MAT1A: variants seen among roughly 807,000 people sequenced by gnomAD.
The protein encoded by MAT1A is methionine adenosyltransferase 1A, also known as S-adenosylmethionine synthase isoform type-1.
MAT1A carries 19 observed loss-of-function variants against 44.0 expected under a neutral mutation model. The ratio of observed to expected loss-of-function variants is 0.43; its 90% CI spans 0.30 to 0.63. The LOEUF (loss-of-function observed/expected upper bound fraction) is 0.63. Among genes scored for constraint, MAT1A ranks in the 30% least tolerant of loss-of-function variants. The pLI, the probability that MAT1A is intolerant of heterozygous loss-of-function variation, is 0.12. For missense variants in MAT1A, 397 were observed against 531.0 expected (o/e 0.75, Z 2.48); for synonymous variants, 205 against 205.6 (o/e 1.00, Z 0.03).
Position 80,273,877 on chromosome 10 carries a change from C to T in MAT1A, c.1092G>A (p.Leu364=), listed in dbSNP as rs752428447. 2 of 1,601,224 alleles carry T rather than the reference C, an allele frequency of 1.2e-6. No homozygotes were observed. Among genetic ancestry groups the T allele is most frequent in the Non-Finnish European group, 8.6e-7 (1 of 1,168,626 alleles). The change falls in exon 9 of 9, where the codon TTG becomes TTA. Residue 364 remains leucine, a synonymous_variant. Coordinates refer to ENST00000372213, the MANE Select transcript of MAT1A (RefSeq NM_000429.3). ...TCTGGTAGATGGGCTTCTTCAAGTC[C>T]AAATCCCTGCATGTCCAGCAGAAAG... The part of the protein sequence containing the change: ...DLRPGVIVRD[L]DLKKPIYQKT...
In MAT1A at chr10:80,271,964, G is replaced by A. The variant is rs1380088318; in HGVS notation, c.*1817C>T. 2 of 151,738 alleles carry A rather than the reference G, an allele frequency of 1.3e-5. No individual in the cohort carries two copies. Among genetic ancestry groups the A allele is most frequent in the African/African-American group, 2.4e-5 (1 of 41,282 alleles). The allele number at this position is 151,738 out of a possible 1,614,324, so 9.4% of individuals were successfully genotyped here. A position where few individuals can be genotyped will look rare whatever the true frequency, so the allele number is the denominator to read the frequency against. ...ATAAAATTCTGAATTTTCATGTCGAGTGTGAGCCAAGTTAGAGGAACTTGG... is the reference window on the plus strand; with the variant it reads ...ATAAAATTCTGAATTTTCATGTCGAATGTGAGCCAAGTTAGAGGAACTTGG... On this transcript the variant is annotated 3_prime_UTR_variant, in exon 9 of 9. Transcript: ENST00000372213.
chr10:80,278,847 G>A (rs117512009), intron 5 of MAT1A, among the ~76,000 whole-genome samples: 224 of 152,362 alleles, frequency 1.5e-3, no homozygotes, highest in Non-Finnish European at 2.7e-3. Context: ...AAGAGAAGGC[G>A]CTGGCGCTGT....
At chr10:80,278,137 CCT>C (rs1471745735) in intron 5 of MAT1A, among the ~76,000 whole-genome samples, 2 of 152,212 alleles carry the variant, frequency 1.3e-5, no homozygotes, top group African/African-American at 4.8e-5. Context: ...GTCTGCACCC[CCT>C]GAGACTGGAG....
In MAT1A at chr10:80,274,509, T is replaced by A. The variant is rs1171295436; in HGVS notation, c.1085+11A>T. 1.2e-6 allele frequency: 2 copies of A among 1,613,982 alleles called. No homozygotes were observed. Among genetic ancestry groups the A allele is most frequent in the Non-Finnish European group, 1.7e-6 (2 of 1,180,010 alleles). ...CAAGGTCCTGTGTAATAGCAGCGCA[T>A]GGCACTTTACCTGACAATGACGCCC... On this transcript the variant is annotated intron_variant, in intron 8 of 8. Transcript: ENST00000372213.
rs916298489 is a variant in MAT1A at position 80,273,451 on chromosome 10, G to A, written c.*330C>T. 6 of 354,958 alleles carry A rather than the reference G, an allele frequency of 1.7e-5. No individual in the cohort carries two copies. In the East Asian group the frequency reaches 4.3e-4, roughly 25 times the overall value. The allele number at this position is 354,958 out of a possible 1,614,324, so 22.0% of individuals were successfully genotyped here. On this transcript the variant is annotated 3_prime_UTR_variant, in exon 9 of 9. Transcript: ENST00000372213. ...TGGCACAGGCAAGGGGAGGGAGGGG[G>A]AGCTGGTCAGGGTCCAGCTGTTGGG...
intron 1 of MAT1A, among the ~76,000 whole-genome samples, chr10:80,286,959 C>T (rs1048480516): frequency 4.6e-5 from 7 of 152,180 alleles, no homozygotes; most frequent in African/African-American, 1.7e-4. Flanking sequence ...TTTGTTTAAT[C>T]TAGCCTCCTG....
chr10:80,284,828 C>T (rs73301414), intron 2 of MAT1A, among the ~76,000 whole-genome samples: 5,336 of 152,286 alleles, frequency 0.035, 298 homozygotes, highest in African/African-American at 0.12. Flanking sequence ...GTTTTCCTGC[C>T]AAACAACTTA....
In MAT1A at chr10:80,275,152, G is replaced by A. The variant is rs751778923; in HGVS notation, c.816C>T (p.Gly272=). The part of the protein sequence containing the change: ...TGRKIIVDTY[G]GWGAHGGGAF... ...CCCCACCACCATGAGCCCCCCAGCC[G>A]CCATAGGTGTCCACAATAATCTTAC... The change falls in exon 7 of 9, where the codon GGC becomes GGT. Residue 272 remains glycine, a synonymous_variant. Coordinates refer to ENST00000372213, the MANE Select transcript of MAT1A (RefSeq NM_000429.3). 1.6e-4 allele frequency: 254 copies of A among 1,613,140 alleles called. No individual in the cohort carries two copies. The highest frequency in any genetic ancestry group is 2.0e-4 in the Non-Finnish European group (240 of 1,179,738).
intron 3 of MAT1A, among the ~76,000 whole-genome samples, chr10:80,281,512 C>T (rs1366227944): frequency 1.3e-5 from 2 of 152,092 alleles, no homozygotes; most frequent in Admixed American, 6.5e-5. Flanking sequence ...TGCTATGCAC[C>T]GAGACCGTGC....
intron 4 of MAT1A, 87 bp downstream of exon 4, chr10:80,280,593 A>G (rs924981244): frequency 1.6e-6 from 2 of 1,223,534 alleles, no homozygotes; most frequent in Non-Finnish European, 2.4e-6. Context: ...CTAGGACAAG[A>G]ATCCACCCCT....
Position 80,276,510 on chromosome 10 carries a change from C to T in MAT1A, c.634G>A (p.Asp212Asn), listed in dbSNP as rs746643787. Residue 212 changes from aspartate to asparagine, a missense_variant, in exon 6 of 9, where the codon GAC becomes AAC. Transcript: ENST00000372213. ...TIVISVQHNE[D>N]ITLEEMRRAL... ...CTGCGCATCTCCTCCAGCGTGATGT[C>T]TTCGTTGTGCTGCACAGAGATGACG... 1.2e-6 allele frequency: 2 copies of T among 1,614,178 alleles called. No homozygotes were observed. The highest frequency in any genetic ancestry group is 1.7e-6 in the Non-Finnish European group (2 of 1,180,046).
At chr10:80,278,910 T>C (rs1447347276) in intron 5 of MAT1A, among the ~76,000 whole-genome samples, 5 of 152,152 alleles carry the variant, frequency 3.3e-5, no homozygotes, top group African/African-American at 7.2e-5. Flanking sequence ...TGCTGGCCAC[T>C]GAAGGAGAGG....
chr10:80,287,233 G>T (rs150357347), intron 1 of MAT1A, among the ~76,000 whole-genome samples: 10 of 152,216 alleles, frequency 6.6e-5, no homozygotes, highest in Admixed American at 6.5e-4. Flanking sequence ...TCCAGCAGGG[G>T]CTTCCAGATA....
intron 7 of MAT1A, 93 bp from the exon 8 acceptor site, chr10:80,274,746 G>A: frequency 6.5e-7 from 1 of 1,544,138 alleles, no homozygotes; most frequent in Non-Finnish European, 8.8e-7. Flanking sequence ...GACCAGCGGG[G>A]ACCACATGCC....
chr10:80,274,917 G>A, intron 7 of MAT1A, 100 bp downstream of exon 7: 1 of 1,425,012 alleles, frequency 7.0e-7, no homozygotes, highest in Non-Finnish European at 9.6e-7. Context: ...CTTTGGCAAA[G>A]CATGCAGCTT....
intron 3 of MAT1A, among the ~76,000 whole-genome samples, chr10:80,281,125 G>A (rs1399198533): frequency 2.6e-5 from 4 of 152,132 alleles, no homozygotes; most frequent in Non-Finnish European, 4.4e-5. Context: ...GGCTGAGGAC[G>A]GTGGCTGACT....
rs759792429 is a variant in MAT1A, at chr10:80,276,368, G to T, written c.768+8C>A. On this transcript the variant is annotated splice_region_variant and intron_variant, in intron 6 of 8. Coordinates refer to ENST00000372213, the MANE Select transcript of MAT1A (RefSeq NM_000429.3). ...AAACCAGGGCTTCGTTCAGAGACAA[G>T]AATGCACCTGGGGACCTCCGATGAC... 2 of 1,613,736 alleles carry T rather than the reference G, an allele frequency of 1.2e-6. No homozygotes were observed. The highest frequency in any genetic ancestry group is 2.7e-5 in the African/African-American group (2 of 74,942).
intron 5 of MAT1A, among the ~76,000 whole-genome samples, chr10:80,279,481 C>A (rs997118061): frequency 2.0e-5 from 3 of 151,896 alleles, no homozygotes; most frequent in Non-Finnish European, 4.4e-5. Flanking sequence ...AGAAGTTGTG[C>A]AGTATGAAGT....
rs1841547794 is a variant in MAT1A, at chr10:80,280,320, T to C, written c.406-4A>G. 1.2e-6 allele frequency: 2 copies of C among 1,613,946 alleles called. No individual in the cohort carries two copies. The highest frequency in any genetic ancestry group is 1.7e-6 in the Non-Finnish European group (2 of 1,179,988). On this transcript the variant is annotated splice_polypyrimidine_tract_variant and splice_region_variant and intron_variant, in intron 4 of 8. Coordinates refer to ENST00000372213, the MANE Select transcript of MAT1A (RefSeq NM_000429.3). ...TAGCATAGCCGAACATCAAACCCTGTGGCGAGAGAGCAGGCTGAGCGGCGC... is the reference window on the plus strand; with the variant it reads ...TAGCATAGCCGAACATCAAACCCTGCGGCGAGAGAGCAGGCTGAGCGGCGC...
Sources: allele counts gnomAD v4.1 joint callset (sites outside exome capture counted in the v4.1 genomes callset), GRCh38; gene constraint gnomAD v4.1.1; transcripts MANE v1.5; gene names NCBI Gene and HGNC (gene_info 2026-07-23, HGNC 2026-07-21).